Variants in ANKS1B observed in about 807,000 individuals in gnomAD.
ANKS1B encodes ankyrin repeat and sterile alpha motif domain containing 1B, also known as ankyrin repeat and sterile alpha motif domain-containing protein 1B.
In ANKS1B, 36 loss-of-function variants were observed where a neutral mutation model predicts 148.3. That is an observed-to-expected ratio of 0.24 (90% confidence interval 0.19 to 0.32). ANKS1B has a LOEUF of 0.32. Ranked by LOEUF, ANKS1B falls within the 10% of genes least tolerant of loss-of-function variation. The probability of loss-of-function intolerance (pLI) is 1.00; values close to 1 mark genes in which losing one functional copy is unlikely to be tolerated. For missense variants in ANKS1B, 1,157 were observed against 1,542.6 expected (o/e 0.75, Z 4.19); for synonymous variants, 542 against 560.8 (o/e 0.97, Z 0.47).
At chr12:99,927,609 T>C (rs1454617961) in intron 1 of ANKS1B, among the ~76,000 whole-genome samples, 3 of 152,062 alleles carry the variant, frequency 2.0e-5, no homozygotes, top group Non-Finnish European at 4.4e-5. Context: ...GTGAACACTA[T>C]GAGGTACCAT....
At chr12:99,425,308 AATTTTTAAT>A (rs1165363236) in intron 11 of ANKS1B, among the ~76,000 whole-genome samples, 1 of 151,942 alleles carries the variant, frequency 6.6e-6, no homozygotes, top group African/African-American at 2.4e-5. Flanking sequence ...GCTTTCAAAT[AATTTTTAAT>A]ATTTTTAATA....
chr12:99,131,262 T>C (rs142083176), intron 15 of ANKS1B, among the ~76,000 whole-genome samples: 16 of 152,334 alleles, frequency 1.1e-4, no homozygotes, highest in African/African-American at 1.7e-4. Context: ...TGCACGAGAT[T>C]TCATGAGTCT....
intron 12 of ANKS1B, among the ~76,000 whole-genome samples, chr12:99,379,771 C>T (rs73372063): frequency 0.04 from 6,020 of 152,220 alleles, 371 homozygotes; most frequent in African/African-American, 0.13. Flanking sequence ...AATTTAATGA[C>T]AATAAATCTA....
intron 17 of ANKS1B, among the ~76,000 whole-genome samples, chr12:98,837,709 T>C (rs1317086020): frequency 1.3e-5 from 2 of 152,188 alleles, no homozygotes; most frequent in East Asian, 1.9e-4. Flanking sequence ...TCAGAATATA[T>C]GTCATAGCAA....
At chr12:99,279,014 TG>T (rs2078045905) in intron 12 of ANKS1B, among the ~76,000 whole-genome samples, 1 of 152,126 alleles carries the variant, frequency 6.6e-6, no homozygotes, top group Non-Finnish European at 1.5e-5. Flanking sequence ...ACAAAGACTG[TG>T]GTTTTCTTTG....
At chr12:99,145,293 CAGTGTATG>C (rs1479818399) in intron 15 of ANKS1B, among the ~76,000 whole-genome samples, 1 of 151,950 alleles carries the variant, frequency 6.6e-6, no homozygotes, top group Non-Finnish European at 1.5e-5. Context: ...TTATATGAGG[CAGTGTATG>C]CAAAGGCACA....
intron 12 of ANKS1B, among the ~76,000 whole-genome samples, chr12:99,282,819 G>A (rs2078649958): frequency 6.6e-6 from 1 of 152,134 alleles, no homozygotes; most frequent in Admixed American, 6.6e-5. Flanking sequence ...GACATTTAAA[G>A]GGTGAAATGC....
At chr12:99,345,335 T>C (rs1432000374) in intron 12 of ANKS1B, among the ~76,000 whole-genome samples, 1 of 152,028 alleles carries the variant, frequency 6.6e-6, no homozygotes, top group Non-Finnish European at 1.5e-5. Context: ...GTAGGGTCAT[T>C]CTTTTAGGCA....
At chr12:99,752,686 C>A (rs2061221731) in intron 8 of ANKS1B, among the ~76,000 whole-genome samples, 1 of 151,578 alleles carries the variant, frequency 6.6e-6, no homozygotes, top group Non-Finnish European at 1.5e-5. Flanking sequence ...TATTGCAGTA[C>A]CCCTTCACAA....
chr12:99,207,005 G>T (rs1033716321), intron 14 of ANKS1B, among the ~76,000 whole-genome samples: 3 of 152,158 alleles, frequency 2.0e-5, no homozygotes, highest in Non-Finnish European at 4.4e-5. Flanking sequence ...ACTCTTAGAA[G>T]AATGATGGTT....
intron 9 of ANKS1B, among the ~76,000 whole-genome samples, chr12:99,508,155 T>A (rs1027622533): frequency 6.6e-6 from 1 of 151,922 alleles, no homozygotes; most frequent in African/African-American, 2.4e-5. Flanking sequence ...ATTTTCAGTG[T>A]GGTACAGGAG....
intron 15 of ANKS1B, among the ~76,000 whole-genome samples, chr12:99,088,298 G>A (rs2052677219): frequency 6.6e-6 from 1 of 152,168 alleles, no homozygotes; most frequent in African/African-American, 2.4e-5. Context: ...GCAGAACTGG[G>A]TTTGGATCAT....
At chr12:98,774,146 C>T (rs1232950573) in intron 24 of ANKS1B, among the ~76,000 whole-genome samples, 1 of 152,184 alleles carries the variant, frequency 6.6e-6, no homozygotes, top group East Asian at 1.9e-4. Flanking sequence ...CTAACTACAT[C>T]CACTGTGTAT....
intron 14 of ANKS1B, among the ~76,000 whole-genome samples, chr12:99,205,965 G>A (rs1480252208): frequency 6.6e-6 from 1 of 152,160 alleles, no homozygotes; most frequent in Non-Finnish European, 1.5e-5. Flanking sequence ...TGGCTAAGTT[G>A]GTCAAAGGCA....
chr12:98,764,723 T>C (rs11611528), intron 25 of ANKS1B, among the ~76,000 whole-genome samples: 59,174 of 152,118 alleles, frequency 0.39, 13,125 homozygotes, highest in East Asian at 0.6. Flanking sequence ...CTATTCTAAA[T>C]TGAATTAATG....
At chr12:98,931,811 C>G (rs2099813868) in intron 17 of ANKS1B, 1 of 152,218 alleles carries the variant, frequency 6.6e-6, no homozygotes, top group South Asian at 2.1e-4. Flanking sequence ...ATTGGTTTGT[C>G]AACATTCTGA....
intron 1 of ANKS1B, among the ~76,000 whole-genome samples, chr12:99,939,407 T>C (rs1280339423): frequency 6.6e-6 from 1 of 152,040 alleles, no homozygotes; most frequent in Non-Finnish European, 1.5e-5. Context: ...ATTTTTTCTT[T>C]TTTGTAGAGA....
intron 17 of ANKS1B, among the ~76,000 whole-genome samples, chr12:99,007,143 T>A (rs2099936614): frequency 1.3e-5 from 2 of 152,336 alleles, no homozygotes; most frequent in African/African-American, 4.8e-5. Flanking sequence ...AAATCCACAG[T>A]CACCTTAAGG....
intron 12 of ANKS1B, among the ~76,000 whole-genome samples, chr12:99,320,994 T>C (rs1382490878): frequency 6.6e-6 from 1 of 152,134 alleles, no homozygotes; most frequent in Non-Finnish European, 1.5e-5. Flanking sequence ...TGCCTGAGTA[T>C]CCCCAGCGGA....
Sources: allele counts gnomAD v4.1 joint callset (sites outside exome capture counted in the v4.1 genomes callset), GRCh38; gene constraint gnomAD v4.1.1; transcripts MANE v1.5; gene names NCBI Gene and HGNC (gene_info 2026-07-23, HGNC 2026-07-21).